The following ARHGEF26 variants were observed in gnomAD, a reference collection of about 807,000 sequenced individuals.
ARHGEF26 encodes Rho guanine nucleotide exchange factor (GEF) 26.
ARHGEF26 carries 59 observed loss-of-function variants against 89.4 expected under a neutral mutation model. That is an observed-to-expected ratio of 0.66 (90% CI 0.54 to 0.82). The LOEUF is 0.82. Ranked by LOEUF, ARHGEF26 falls within the 40% of genes least tolerant of loss-of-function variation. The probability of loss-of-function intolerance (pLI) is 0.00; values close to 1 mark genes in which losing one functional copy is unlikely to be tolerated. For missense variants in ARHGEF26, 1,234 were observed against 1,085.6 expected (o/e 1.14, Z -1.92); for synonymous variants, 500 against 428.4 (o/e 1.17, Z -2.06).
At position 154,122,422 on chromosome 3, in the gene ARHGEF26, C is replaced by G. The variant is rs763550003; in HGVS notation, c.430C>G (p.Leu144Val). The change falls in exon 2 of 15, where the codon CTG (leucine) becomes GTG (valine). Residue 144 changes from leucine to valine, a missense_variant. Leu to Val is a conservative substitution (Grantham distance 32, BLOSUM62 1). Transcript: ENST00000465093. ...TLPAPPPPPV[L>V]RPPRTPNAPA... is the part of the protein sequence containing the mutation. ...GCCTGCGCCGCCGCCGCCGCCGGTT[C>G]TGCGCCCCCCGCGGACTCCTAACGC... The G allele has an allele frequency of 3.7e-6, 6 of 1,611,150 alleles. No individual in the cohort carries two copies. The highest frequency in any genetic ancestry group is 5.1e-6 in the Non-Finnish European group (6 of 1,179,036).
chr3:154,237,970 CT>C (rs1717224336), intron 11 of ARHGEF26, among the ~76,000 whole-genome samples: 1 of 152,090 alleles, frequency 6.6e-6, no homozygotes. Flanking sequence ...CTCTTTTTCT[CT>C]TGTTTTTGAT....
intron 9 of ARHGEF26, among the ~76,000 whole-genome samples, chr3:154,210,213 C>A (rs1028515142): frequency 8.6e-5 from 13 of 152,034 alleles, no homozygotes; most frequent in African/African-American, 2.9e-4. Flanking sequence ...AGTCGGGGAC[C>A]CCAGGAGCCT....
intron 9 of ARHGEF26, among the ~76,000 whole-genome samples, chr3:154,195,589 G>T (rs193078470): frequency 6.6e-6 from 1 of 152,268 alleles, no homozygotes; most frequent in Non-Finnish European, 1.5e-5. Context: ...AGAAGTCAAG[G>T]AATATTGTCT....
intron 12 of ARHGEF26, among the ~76,000 whole-genome samples, chr3:154,242,461 A>T (rs1258124022): frequency 2.0e-5 from 3 of 152,208 alleles, no homozygotes; most frequent in Non-Finnish European, 2.9e-5. Context: ...TTAGAAATGG[A>T]GACTGAAGAT....
At chr3:154,195,126 A>G (rs969944635) in intron 9 of ARHGEF26, among the ~76,000 whole-genome samples, 1 of 152,156 alleles carries the variant, frequency 6.6e-6, no homozygotes, top group Non-Finnish European at 1.5e-5. Context: ...CAGAGTTACA[A>G]TGAAGGGTAG....
chr3:154,129,810 T>C, intron 4 of ARHGEF26, 91 bp downstream of exon 4: 1 of 1,398,354 alleles, frequency 7.2e-7, no homozygotes, highest in Non-Finnish European at 9.7e-7. Context: ...TTTCTGCCAG[T>C]GATCCTGTAA....
intron 10 of ARHGEF26, among the ~76,000 whole-genome samples, chr3:154,219,062 G>A (rs564541859): frequency 2.6e-5 from 4 of 152,230 alleles, no homozygotes; most frequent in African/African-American, 7.2e-5. Flanking sequence ...ATGCATGCAC[G>A]CACACTTTAA....
At chr3:154,218,953 A>G (rs796094482) in intron 10 of ARHGEF26, among the ~76,000 whole-genome samples, 4 of 152,228 alleles carry the variant, frequency 2.6e-5, no homozygotes, top group South Asian at 2.1e-4. Flanking sequence ...AAACTCTTCT[A>G]CTGTAACATT....
intron 6 of ARHGEF26, among the ~76,000 whole-genome samples, chr3:154,171,571 T>C (rs1253643943): frequency 2.0e-5 from 3 of 152,182 alleles, no homozygotes; most frequent in Non-Finnish European, 2.9e-5. Context: ...TTTTTTATTA[T>C]TTCTATAGTT....
At chr3:154,207,182 G>C (rs568944214) in intron 9 of ARHGEF26, among the ~76,000 whole-genome samples, 3 of 152,126 alleles carry the variant, frequency 2.0e-5, no homozygotes, top group African/African-American at 2.4e-5. Context: ...TACCATTCGG[G>C]ACATAGGCAT....
chr3:154,139,575 G>T (rs1719232207), intron 4 of ARHGEF26, among the ~76,000 whole-genome samples: 1 of 152,098 alleles, frequency 6.6e-6, no homozygotes, highest in Non-Finnish European at 1.5e-5. Context: ...TCTTGTATTT[G>T]CCCTGTTGAG....
chr3:154,162,581 T>G (rs954411691), intron 6 of ARHGEF26, among the ~76,000 whole-genome samples: 1 of 152,156 alleles, frequency 6.6e-6, no homozygotes, highest in African/African-American at 2.4e-5. Context: ...GTGTGGAGTT[T>G]GCATGTTCTC....
In ARHGEF26 at chr3:154,122,091, C is replaced by G. The variant is rs1266169126; in HGVS notation, c.99C>G (p.Ser33Arg). 1.9e-6 allele frequency: 3 copies of G among 1,611,350 alleles called. No homozygotes were observed. Among genetic ancestry groups the G allele is most frequent in the South Asian group, 1.1e-5 (1 of 90,600 alleles). ...IPQPHQVLGR[S>R]KPRPQSYQSP... ...AGCCCCACCAGGTTCTGGGCCGGAG[C>G]AAGCCGAGGCCCCAGTCCTACCAGA... The change falls in exon 2 of 15, where the codon AGC (serine) becomes AGG (arginine). Residue 33 changes from serine (S) to arginine (R), a missense_variant. Ser to Arg is a moderately radical substitution (Grantham distance 110). Coordinates refer to ENST00000465093, the MANE Select transcript of ARHGEF26 (RefSeq NM_015595.4).
chr3:154,134,731 T>C (rs1718901980), intron 4 of ARHGEF26, among the ~76,000 whole-genome samples: 1 of 152,158 alleles, frequency 6.6e-6, no homozygotes, highest in African/African-American at 2.4e-5. Context: ...ATGGCTCTTA[T>C]TATTTTGAGG....
At chr3:154,178,061 T>A (rs971676546) in intron 6 of ARHGEF26, among the ~76,000 whole-genome samples, 2 of 151,838 alleles carry the variant, frequency 1.3e-5, no homozygotes, top group Admixed American at 1.3e-4. Flanking sequence ...AAAATTAGCC[T>A]GGCATGGTGG....
chr3:154,180,173 T>A (rs1325619064), intron 6 of ARHGEF26, among the ~76,000 whole-genome samples: 1 of 152,214 alleles, frequency 6.6e-6, no homozygotes, highest in African/African-American at 2.4e-5. Flanking sequence ...CCCACCTGGA[T>A]AATCCAGGAT....
intron 11 of ARHGEF26, among the ~76,000 whole-genome samples, chr3:154,234,878 G>T (rs1271756036): frequency 6.6e-6 from 1 of 152,110 alleles, no homozygotes; most frequent in African/African-American, 2.4e-5. Context: ...CCATTCTTCT[G>T]CCTCAGCCTC....
chr3:154,204,306 T>C (rs1438096853), intron 9 of ARHGEF26, among the ~76,000 whole-genome samples: 1 of 151,198 alleles, frequency 6.6e-6, no homozygotes, highest in Non-Finnish European at 1.5e-5. Flanking sequence ...TTTGGTTGAG[T>C]TTCATTGTTA....
chr3:154,215,675 C>T lies in ARHGEF26; in HGVS notation c.1846-2194C>T, dbSNP rs527269908. On this transcript the variant is annotated intron_variant, in intron 9 of 14. Transcript: ENST00000465093. ...ACCAGTGTTTGCTGAAGGCTGGTTT[C>T]CCGGTTTGCAGATGGCCACCTTCTC... 7.2e-5 allele frequency among the ~76,000 whole-genome samples: 11 copies of T among 152,142 alleles called. No homozygotes were observed. In the South Asian group the frequency reaches 1.5e-3, roughly 20 times the overall value.
Sources: gnomAD v4.1 joint callset for allele counts (sites outside exome capture counted in the v4.1 genomes callset) on GRCh38, gnomAD v4.1.1 for gene constraint, MANE v1.5 for transcripts, NCBI Gene and HGNC (gene_info 2026-07-23, HGNC 2026-07-21) for gene names.